The following DNAH5 variants were observed in gnomAD, a reference collection of about 807,000 sequenced individuals.
DNAH5 encodes dynein axonemal heavy chain 5.
A neutral mutation model predicts 518.2 loss-of-function variants in DNAH5; 372 were observed. The ratio of observed to expected loss-of-function variants is 0.72; its 90% CI spans 0.66 to 0.78. DNAH5 has a LOEUF of 0.78. Among genes scored for constraint, DNAH5 ranks in the 30% least tolerant of loss-of-function variants. The pLI is 0.00. For missense variants in DNAH5, 5,523 were observed against 5,687.0 expected (o/e 0.97, Z 0.93); for synonymous variants, 2,039 against 2,025.9 (o/e 1.01, Z -0.17).
chr5:13,768,024 C>T (rs577140021), intron 58 of DNAH5, among the ~76,000 whole-genome samples: 2 of 152,196 alleles, frequency 1.3e-5, no homozygotes, highest in Non-Finnish European at 2.9e-5. Flanking sequence ...CAAAACTGGA[C>T]CAGCCTTTAA....
chr5:13,767,007 A>T (rs2173980), intron 58 of DNAH5, among the ~76,000 whole-genome samples: 46,448 of 151,852 alleles, frequency 0.31, 7,559 homozygotes, highest in South Asian at 0.42. Flanking sequence ...AATGACCTTC[A>T]CATAAAAGTG....
At chr5:13,751,435 A>C (rs1272275004) in intron 64 of DNAH5, among the ~76,000 whole-genome samples, 175 bp from the exon 65 acceptor site, 1 of 152,214 alleles carries the variant, frequency 6.6e-6, no homozygotes. Context: ...GATGAAAGAA[A>C]GGAAGCAAAG....
In DNAH5 at chr5:13,729,436, T is replaced by C; in HGVS notation, c.11883+3A>G. On this transcript the variant is annotated splice_donor_region_variant and intron_variant, in intron 69 of 78. Coordinates refer to ENST00000265104, the MANE Select transcript of DNAH5 (RefSeq NM_001369.3). ...AGCTTAAGTTGATTCAAAGCACAGT[T>C]ACCTGGTCAAGGACATCTGAAAACT... The C allele has an allele frequency of 6.2e-7, 1 of 1,613,946 alleles. No individual in the cohort carries two copies. Among genetic ancestry groups the C allele is most frequent in the Non-Finnish European group, 8.5e-7 (1 of 1,179,856 alleles).
chr5:13,723,923 G>A (rs1354190), intron 70 of DNAH5, among the ~76,000 whole-genome samples: 64,418 of 151,940 alleles, frequency 0.42, 13,812 homozygotes, highest in Middle Eastern at 0.49. Flanking sequence ...TCCTGGGCGG[G>A]GACATTCTTA....
At chr5:13,937,492 G>C (rs545876899) in intron 1 of DNAH5, among the ~76,000 whole-genome samples, 1 of 151,360 alleles carries the variant, frequency 6.6e-6, no homozygotes, top group African/African-American at 2.4e-5. Flanking sequence ...AAAGTGTCTC[G>C]GAGGTTAGTT....
intron 60 of DNAH5, among the ~76,000 whole-genome samples, chr5:13,762,133 T>C (rs1277975832): frequency 6.6e-6 from 1 of 152,120 alleles, no homozygotes; most frequent in Non-Finnish European, 1.5e-5. Context: ...CTTTTAATGG[T>C]AGAGGAATAT....
intron 58 of DNAH5, among the ~76,000 whole-genome samples, chr5:13,766,755 C>T (rs1002384646): frequency 2.6e-5 from 4 of 152,152 alleles, no homozygotes; most frequent in African/African-American, 7.2e-5. Flanking sequence ...AAGTTCCATT[C>T]CATTTCTAGT....
intron 1 of DNAH5, among the ~76,000 whole-genome samples, chr5:13,940,911 CT>C (rs1475541358): frequency 1.3e-5 from 2 of 152,198 alleles, no homozygotes; most frequent in Non-Finnish European, 2.9e-5. Flanking sequence ...GAGCACAGCA[CT>C]TAGTACAAAG....
rs751444755 is a variant in DNAH5, at chr5:13,727,487, C to T, written c.12033+20G>A. ...TTTAAAAATATTCTCTCATTTTTCTCTTTAATATGGACTTTTTACCTGGGC... is the reference window on the plus strand; with the variant it reads ...TTTAAAAATATTCTCTCATTTTTCTTTTTAATATGGACTTTTTACCTGGGC... On this transcript the variant is annotated intron_variant, in intron 70 of 78. Coordinates refer to ENST00000265104, the MANE Select transcript of DNAH5 (RefSeq NM_001369.3). 15 of 1,602,996 alleles carry T rather than the reference C, an allele frequency of 9.4e-6. No individual in the cohort carries two copies. The highest frequency in any genetic ancestry group is 2.7e-5 in the African/African-American group (2 of 74,548).
intron 54 of DNAH5, among the ~76,000 whole-genome samples, 172 bp downstream of exon 54, chr5:13,777,030 G>A (rs557685224): frequency 6.6e-6 from 1 of 152,034 alleles, no homozygotes; most frequent in African/African-American, 2.4e-5. Flanking sequence ...AAATTTTGAT[G>A]GAGAGTTTTA....
Position 13,815,938 on chromosome 5 carries a change from G to A in DNAH5, c.6989-1092C>T, listed in dbSNP as rs980192387. 2.0e-5 allele frequency among the ~76,000 whole-genome samples: 3 copies of A among 152,312 alleles called. No homozygotes were observed. The East Asian group carries it at 5.8e-4, about 29-fold the overall frequency. ...GAGAGAGAAGAGGGCTGAAGACAGA[G>A]GCTCTGTAACCCTTAGGCTTCTGGC... is the stretch of plus-strand genomic sequence containing the variant. On this transcript the variant is annotated intron_variant, in intron 42 of 78. Coordinates refer to ENST00000265104, the MANE Select transcript of DNAH5 (RefSeq NM_001369.3).
chr5:13,806,939 G>T (rs554100461), intron 47 of DNAH5, among the ~76,000 whole-genome samples: 1 of 152,340 alleles, frequency 6.6e-6, no homozygotes, highest in African/African-American at 2.4e-5. Context: ...AGGGTGGAAT[G>T]TTAAGTCGGG....
chr5:13,758,769 C>T, intron 61 of DNAH5, 77 bp downstream of exon 61: 1 of 1,605,618 alleles, frequency 6.2e-7, no homozygotes, highest in Non-Finnish European at 8.5e-7. Context: ...TCAGTGAAAC[C>T]CCACAAGAAC....
upstream of DNAH5, among the ~76,000 whole-genome samples, chr5:13,949,426 T>C (rs1256691102): frequency 6.6e-6 from 1 of 152,204 alleles, no homozygotes; most frequent in East Asian, 1.9e-4. Context: ...CAAAAGAAGA[T>C]AGTGATTCTA....
intron 67 of DNAH5, among the ~76,000 whole-genome samples, 165 bp from the exon 68 acceptor site, chr5:13,735,486 A>G (rs1487162991): frequency 6.6e-6 from 1 of 152,240 alleles, no homozygotes; most frequent in African/African-American, 2.4e-5. Flanking sequence ...TTCTCTCAAC[A>G]TGAAATAATA....
intron 30 of DNAH5, among the ~76,000 whole-genome samples, chr5:13,851,729 T>C (rs997469132): frequency 2.0e-5 from 3 of 152,058 alleles, no homozygotes; most frequent in African/African-American, 7.2e-5. Context: ...AATTTCTAAG[T>C]CCAATTTTAG....
chr5:13,856,820 G>C (rs989784634), intron 30 of DNAH5, among the ~76,000 whole-genome samples: 1 of 151,994 alleles, frequency 6.6e-6, no homozygotes, highest in Non-Finnish European at 1.5e-5. Context: ...ATCCTTTCAT[G>C]CTAAAAACTC....
At chr5:13,910,352 C>T (rs948818000) in intron 12 of DNAH5, among the ~76,000 whole-genome samples, 7 of 152,148 alleles carry the variant, frequency 4.6e-5, no homozygotes, top group South Asian at 2.1e-4. Context: ...AGGATTATTA[C>T]GATTATTAAA....
intron 35 of DNAH5, among the ~76,000 whole-genome samples, chr5:13,837,692 CTTTTTTTTTTTTTT>C (rs534618242): frequency 7.4e-5 from 7 of 95,138 alleles, no homozygotes; most frequent in Non-Finnish European, 8.4e-5. Flanking sequence ...GGGAACTCCA[CTTTTTTTTTTTTTT>C]TTTTTTTTTT....
Sources: gnomAD v4.1 joint callset for allele counts (sites outside exome capture counted in the v4.1 genomes callset) on GRCh38, gnomAD v4.1.1 for gene constraint, MANE v1.5 for transcripts, NCBI Gene and HGNC (gene_info 2026-07-23, HGNC 2026-07-21) for gene names.